Variants in DLG2 observed in about 807,000 individuals in gnomAD.
DLG2 encodes the protein disks large homolog 2.
In DLG2, 45 loss-of-function variants were observed where a neutral mutation model predicts 132.5. The ratio of observed to expected loss-of-function variants is 0.34; its 90% CI spans 0.27 to 0.44. The LOEUF (loss-of-function observed/expected upper bound fraction) is 0.44. Ranked by LOEUF, DLG2 falls within the 20% of genes least tolerant of loss-of-function variation. The pLI is 1.00. For synonymous variants in DLG2, 424 were observed against 419.6 expected (o/e 1.01, Z -0.13); for missense variants, 1,045 against 1,196.9 (o/e 0.87, Z 1.87).
intron 6 of DLG2, among the ~76,000 whole-genome samples, chr11:84,995,947 A>G (rs1387793662): frequency 1.3e-5 from 2 of 151,982 alleles, no homozygotes; most frequent in Admixed American, 6.6e-5. Flanking sequence ...AAATAAGTTT[A>G]TTTTTACTCT....
In DLG2 at chr11:84,738,314, T is replaced by A. The variant is rs557156399; in HGVS notation, c.358-203583A>T. The stretch of plus-strand genomic sequence containing the variant: ...GATTCTGCTTAACGATGACATAATA[T>A]ATTCTTTTTCAGTAATGTATATACC... On this transcript the variant is annotated intron_variant, in intron 6 of 27. Coordinates refer to ENST00000376104, the MANE Select transcript of DLG2 (RefSeq NM_001142699.3). Among the ~76,000 whole-genome samples the A allele has an allele frequency of 2.0e-5, 3 of 152,162 alleles. No homozygotes were observed. In the East Asian group the frequency reaches 5.8e-4, roughly 29 times the overall value.
At chr11:84,475,651 C>A (rs2099119658) in intron 7 of DLG2, among the ~76,000 whole-genome samples, 1 of 152,004 alleles carries the variant, frequency 6.6e-6, no homozygotes, top group South Asian at 2.1e-4. Context: ...AAATCAGGGA[C>A]CCCCAATTTT....
chr11:84,611,295 C>T (rs757604666), intron 6 of DLG2, among the ~76,000 whole-genome samples: 3 of 152,040 alleles, frequency 2.0e-5, no homozygotes, highest in Middle Eastern at 3.2e-3. Context: ...TTAAAGGCAA[C>T]AGACAAAGGT....
At chr11:85,039,680 C>T (rs1417059509) in intron 6 of DLG2, among the ~76,000 whole-genome samples, 1 of 151,004 alleles carries the variant, frequency 6.6e-6, no homozygotes, top group South Asian at 2.1e-4. Context: ...AAACAGGTTA[C>T]CTAAGAGAAA....
At chr11:85,302,562 A>G (rs1273540767) in intron 3 of DLG2, among the ~76,000 whole-genome samples, 1 of 150,802 alleles carries the variant, frequency 6.6e-6, no homozygotes, top group Non-Finnish European at 1.5e-5. Context: ...ATGGGCCAGT[A>G]GGTATGAAAT....
intron 6 of DLG2, among the ~76,000 whole-genome samples, chr11:84,836,812 T>A (rs1238497213): frequency 6.6e-6 from 1 of 151,884 alleles, no homozygotes; most frequent in African/African-American, 2.4e-5. Context: ...CAGTGTACCA[T>A]AAACAGGGCT....
rs370760633 is a variant in DLG2, at chr11:83,695,036, AAAGT to A, written c.1826-61715_1826-61712del. 3.2e-4 allele frequency among the ~76,000 whole-genome samples: 49 copies of A among 152,350 alleles called. 1 individual carries two copies. The highest frequency in any genetic ancestry group is 1.2e-3 in the African/African-American group (48 of 41,574). ...ACGAAATATTTGTTCACCACCTATA[AAAGT>A]AAGGCATTTTCAAGAGCTGGTTTTC... On this transcript the variant is annotated intron_variant, in intron 18 of 27. Coordinates refer to ENST00000376104, the MANE Select transcript of DLG2 (RefSeq NM_001142699.3).
At chr11:84,821,280 G>C (rs552537752) in intron 6 of DLG2, among the ~76,000 whole-genome samples, 1 of 151,782 alleles carries the variant, frequency 6.6e-6, no homozygotes, top group Admixed American at 6.6e-5. Flanking sequence ...AAAGAACTCT[G>C]ATCATGATCT....
At chr11:83,984,325 G>A (rs1470545467) in intron 11 of DLG2, among the ~76,000 whole-genome samples, 1 of 152,060 alleles carries the variant, frequency 6.6e-6, no homozygotes, top group Non-Finnish European at 1.5e-5. Context: ...GGTATTTTTA[G>A]TAAATGTTCC....
chr11:85,153,264 C>T (rs1165528992), intron 5 of DLG2, among the ~76,000 whole-genome samples: 2 of 152,168 alleles, frequency 1.3e-5, no homozygotes, highest in East Asian at 1.9e-4. Context: ...CACTGTCCTA[C>T]TTTTGATATT....
At chr11:83,534,868 G>A (rs1285421757) in intron 20 of DLG2, among the ~76,000 whole-genome samples, 4 of 152,178 alleles carry the variant, frequency 2.6e-5, no homozygotes, top group Non-Finnish European at 4.4e-5. Context: ...ACTTGAACCC[G>A]GGAGGTGGAG....
chr11:85,417,372 C>T (rs576908046), intron 3 of DLG2, among the ~76,000 whole-genome samples: 164 of 152,184 alleles, frequency 1.1e-3, no homozygotes, highest in Admixed American at 3.9e-3. Context: ...ATTTTTGCAC[C>T]GATGTTCATC....
chr11:85,405,359 T>C (rs1399404692), intron 3 of DLG2, among the ~76,000 whole-genome samples: 1 of 152,048 alleles, frequency 6.6e-6, no homozygotes, highest in African/African-American at 2.4e-5. Flanking sequence ...CATAAGATTT[T>C]GTCTTCTGTG....
chr11:84,940,182 G>T (rs1204185523), intron 6 of DLG2, among the ~76,000 whole-genome samples: 1 of 152,116 alleles, frequency 6.6e-6, no homozygotes, highest in African/African-American at 2.4e-5. Context: ...ATGGACTCTT[G>T]CTCTGTCTCC....
intron 5 of DLG2, among the ~76,000 whole-genome samples, chr11:85,149,397 T>C (rs1594846449): frequency 6.6e-6 from 1 of 152,166 alleles, no homozygotes; most frequent in African/African-American, 2.4e-5. Flanking sequence ...AATGTATACT[T>C]GTTTGAGTTG....
rs967231427 is a variant in DLG2, at chr11:84,040,258, C to T, written c.919+19057G>A. Among the ~76,000 whole-genome samples the T allele has an allele frequency of 4.5e-4, 68 of 152,026 alleles. 1 individual carries two copies. Among genetic ancestry groups the T allele is most frequent in the African/African-American group, 1.6e-3 (68 of 41,492 alleles). ...CATTTGTCAATTTTGGCTTTTGTTG[C>T]CATTGCTTTTGGTGTTTTGGACATG... On this transcript the variant is annotated intron_variant, in intron 11 of 27. Transcript: ENST00000376104.
Position 83,488,256 on chromosome 11 carries a change from C to A in DLG2, c.2194-4028G>T, listed in dbSNP as rs578115957. 1.4e-4 allele frequency among the ~76,000 whole-genome samples: 21 copies of A among 152,016 alleles called. No homozygotes were observed. The East Asian group carries it at 4.1e-3, about 29-fold the overall frequency. ...CTCGCAATCAATTAGATCTACATGT[C>A]TTTTGTTTATCTGATTTTGTTTTGT... is the stretch of plus-strand genomic sequence containing the variant. On this transcript the variant is annotated intron_variant, in intron 21 of 27. Coordinates refer to ENST00000376104, the MANE Select transcript of DLG2 (RefSeq NM_001142699.3).
chr11:84,459,511 G>C (rs11234036), intron 7 of DLG2, among the ~76,000 whole-genome samples: 177 of 150,298 alleles, frequency 1.2e-3, no homozygotes, highest in African/African-American at 4.2e-3. Flanking sequence ...GTACATAATA[G>C]GTTGTTTCTG....
intron 3 of DLG2, among the ~76,000 whole-genome samples, chr11:85,570,441 T>C (rs967218482): frequency 2.0e-5 from 3 of 152,146 alleles, no homozygotes; most frequent in Non-Finnish European, 2.9e-5. Context: ...CTATTTCTAA[T>C]GAGAAATCAA....
Sources: gnomAD v4.1 joint callset for allele counts (sites outside exome capture counted in the v4.1 genomes callset) on GRCh38, gnomAD v4.1.1 for gene constraint, MANE v1.5 for transcripts, NCBI Gene and HGNC (gene_info 2026-07-23, HGNC 2026-07-21) for gene names.